FKBP15: variants seen among roughly 807,000 people sequenced by gnomAD.
FKBP15 encodes the protein FKBP prolyl isomerase family member 15, also known as FK506-binding protein 15.
Under a neutral mutation model 158.1 loss-of-function variants are expected in FKBP15, and 106 were observed. That is an observed-to-expected ratio of 0.67 (90% CI 0.57 to 0.79). The LOEUF (loss-of-function observed/expected upper bound fraction) is 0.79. Ranked by LOEUF, FKBP15 falls within the 30% of genes least tolerant of loss-of-function variation. The pLI is 0.00. For missense variants in FKBP15, 1,287 were observed against 1,479.1 expected (o/e 0.87, Z 2.13); for synonymous variants, 547 against 548.6 (o/e 1.00, Z 0.04).
chr9:113,215,896 C>T (rs1258179076), intron 1 of FKBP15, among the ~76,000 whole-genome samples: 20 of 150,806 alleles, frequency 1.3e-4, no homozygotes, highest in African/African-American at 4.9e-4. Context: ...AGTGATCCAC[C>T]CGCCTCAGCC....
chr9:113,211,752 TA>T (rs58018622), intron 1 of FKBP15, among the ~76,000 whole-genome samples, 160 bp from the exon 2 acceptor site: 51 of 149,560 alleles, frequency 3.4e-4, no homozygotes, highest in African/African-American at 6.9e-4. Context: ...ATTTAAAAAT[TA>T]AAAAAAAAAA....
intron 6 of FKBP15, 101 bp downstream of exon 6, chr9:113,202,430 C>A (rs1830809717): frequency 2.8e-5 from 24 of 859,386 alleles, no homozygotes; most frequent in Non-Finnish European, 3.9e-5. Context: ...TAGTCACTAA[C>A]AAAACACAGC....
chr9:113,210,862 C>T lies in FKBP15; in HGVS notation c.169+615G>A, dbSNP rs1311159338. Among the ~76,000 whole-genome samples the T allele has an allele frequency of 2.0e-5, 3 of 152,218 alleles. No individual in the cohort carries two copies. The South Asian group carries it at 6.2e-4, about 32-fold the overall frequency. ...GCGCTGGATGCTTTCTGCCGTCGAACATCAGACTCCAAGTTCTTTGGCTTT... is the reference window on the plus strand; with the variant it reads ...GCGCTGGATGCTTTCTGCCGTCGAATATCAGACTCCAAGTTCTTTGGCTTT... On this transcript the variant is annotated intron_variant, in intron 2 of 27. Coordinates refer to ENST00000238256, the MANE Select transcript of FKBP15 (RefSeq NM_015258.2).
intron 3 of FKBP15, 48 bp from the exon 4 acceptor site, chr9:113,206,626 G>A: frequency 6.9e-7 from 1 of 1,447,522 alleles, no homozygotes; most frequent in Non-Finnish European, 9.6e-7. Flanking sequence ...CCTAAATTCT[G>A]CAGAACCAGC....
intron 19 of FKBP15, 115 bp from the exon 20 acceptor site, chr9:113,178,916 G>T: frequency 9.6e-7 from 1 of 1,044,758 alleles, no homozygotes; most frequent in Non-Finnish European, 1.3e-6. Flanking sequence ...AGTTATGGCT[G>T]CCTTCAACCT....
chr9:113,171,781 A>G, intron 23 of FKBP15, 75 bp from the exon 24 acceptor site: 1 of 1,232,958 alleles, frequency 8.1e-7, no homozygotes, highest in Non-Finnish European at 1.0e-6. Flanking sequence ...GAGGAGAACC[A>G]CCCAAACATC....
chr9:113,202,673 T>C (rs1830816255), intron 5 of FKBP15, 44 bp from the exon 6 acceptor site: 3 of 1,455,608 alleles, frequency 2.1e-6, no homozygotes, highest in Non-Finnish European at 2.8e-6. Flanking sequence ...AGCAGTATTA[T>C]ACCAGATAAA....
chr9:113,170,682 T>C (rs1305964081), intron 24 of FKBP15, 53 bp from the exon 25 acceptor site: 15 of 1,393,666 alleles, frequency 1.1e-5, no homozygotes, highest in South Asian at 1.0e-4. Context: ...AAAGGATGCA[T>C]TAAATTCCAG....
rs374047551 is a variant in FKBP15 at position 113,187,748 on chromosome 9, C to T, written c.1383+45G>A. Reference sequence around the variant, plus strand: ...AAGAAGAAAAGAGACTGACTAGAACCACAGCAAATTATAGGATATAATTAA... The same window carrying T: ...AAGAAGAAAAGAGACTGACTAGAACTACAGCAAATTATAGGATATAATTAA... On this transcript the variant is annotated intron_variant, in intron 14 of 27. Transcript: ENST00000238256. The T allele has an allele frequency of 7.1e-4, 1,035 of 1,455,852 alleles. 9 individuals are homozygous for T. The South Asian group carries it at 8.7e-3, about 12-fold the overall frequency. The allele number at this position is 1,455,852 out of a possible 1,614,324, so 90.2% of individuals were successfully genotyped here.
chr9:113,189,354 C>A (rs1830536334), intron 12 of FKBP15, among the ~76,000 whole-genome samples: 1 of 152,068 alleles, frequency 6.6e-6, no homozygotes, highest in Admixed American at 6.6e-5. Context: ...TTACTTAAAT[C>A]ATTTATGTTA....
chr9:113,193,359 G>C (rs1426500036), intron 11 of FKBP15, 133 bp downstream of exon 11: 1 of 521,020 alleles, frequency 1.9e-6, no homozygotes, highest in African/African-American at 2.0e-5. Context: ...TTTTAAAGGA[G>C]AGACGAGGTC....
Position 113,169,771 on chromosome 9 carries a change from G to A in FKBP15, c.2938C>T (p.Pro980Ser), listed in dbSNP as rs1210438725. The stretch of plus-strand genomic sequence containing the variant: ...ACCACCTGCTCTGAGGGCACCATGG[G>A]GGACTCTGGCCTCTCCCTATTCAGG... ...APLNRERPES[P>S]MVPSEQVVEE... The change falls in exon 26 of 28, where the codon CCC becomes TCC. Residue 980 changes from proline to serine, a missense_variant. Physicochemically the swap from Pro to Ser is moderately conservative, Grantham distance 74. Transcript: ENST00000238256. 2 of 1,603,724 alleles carry A rather than the reference G, an allele frequency of 1.2e-6. No homozygotes were observed. The highest frequency in any genetic ancestry group is 2.2e-5 in the East Asian group (1 of 44,592).
In FKBP15 at chr9:113,202,561, C is replaced by A; in HGVS notation, c.468G>T (p.Ser156=). 1 of 1,583,976 alleles carries A rather than the reference C, an allele frequency of 6.3e-7. No homozygotes were observed. The highest frequency in any genetic ancestry group is 8.6e-7 in the Non-Finnish European group (1 of 1,163,838). Residue 156 remains serine, a synonymous_variant, in exon 6 of 28, where the codon TCG becomes TCT. Transcript: ENST00000238256. The stretch of plus-strand genomic sequence containing the variant: ...TATTGAACTCCACAGCAGCCTTTTC[C>A]GACTCAAACATGATGGACCAGTTCT... The part of the protein sequence containing the change: ...QRQNWSIMFE[S]EKAAVEFNKQ...
chr9:113,174,648 G>T, intron 21 of FKBP15, 65 bp from the exon 22 acceptor site: 1 of 1,501,812 alleles, frequency 6.7e-7, no homozygotes, highest in South Asian at 1.3e-5. Context: ...GGATGATGGC[G>T]GTGGCAGTTA....
At chr9:113,182,107 A>C (rs1830409094) in intron 19 of FKBP15, among the ~76,000 whole-genome samples, 1 of 152,192 alleles carries the variant, frequency 6.6e-6, no homozygotes, top group Non-Finnish European at 1.5e-5. Flanking sequence ...GTTCAATCTA[A>C]CTTTTCATGT....
Position 113,203,016 on chromosome 9 carries a change from A to G in FKBP15, c.344T>C (p.Ile115Thr). The G allele has an allele frequency of 1.2e-6, 2 of 1,612,236 alleles. No homozygotes were observed. Among genetic ancestry groups the G allele is most frequent in the Non-Finnish European group, 1.7e-6 (2 of 1,178,984 alleles). ...AACCGTAACTGGCTGTTGTTGACTG[A>G]TATAAAGAAGAATCCTATACTGTAG... Reference protein sequence around the residue: ...TAREYRILLYISQQQPVTVAR... With the variant: ...TAREYRILLYTSQQQPVTVAR... Residue 115 changes from isoleucine to threonine, a missense_variant, in exon 5 of 28, where the codon ATC (isoleucine) becomes ACC (threonine). By Grantham distance (89) the Ile-to-Thr change is moderately conservative. Transcript: ENST00000238256.
At chr9:113,171,794 GTC>G in intron 23 of FKBP15, 88 bp from the exon 24 acceptor site, 1 of 1,091,452 alleles carries the variant, frequency 9.2e-7, no homozygotes, top group Non-Finnish European at 1.2e-6. Flanking sequence ...CAAACATCAA[GTC>G]TCTTTTTTTT....
Position 113,206,508 on chromosome 9 carries a change from CCT to C in FKBP15, c.323_324del (p.Glu108ValfsTer2). On this transcript the variant is annotated frameshift_variant and splice_region_variant, in exon 4 of 28. Transcript: ENST00000238256. LOFTEE classifies it high-confidence loss of function. Reference protein sequence around the residue: ...AAVLGNHTAREYRILLYISQQ... With the variant: ...AAVLGNHTARXYRILLYISQQ... ...TACATGAGATGTGGGAGCACTCTCA[CCT>C]CTCTGGCTGTGTGGTTCCCCAGAAC... is the stretch of plus-strand genomic sequence containing the variant. The C allele has an allele frequency of 6.2e-7, 1 of 1,613,574 alleles. No individual in the cohort carries two copies.
At chr9:113,208,699 G>A (rs1246018451) in intron 2 of FKBP15, among the ~76,000 whole-genome samples, 2 of 151,948 alleles carry the variant, frequency 1.3e-5, no homozygotes, top group Non-Finnish European at 2.9e-5. Flanking sequence ...TTAAGGTTTG[G>A]TTACATCCTG....
Sources: gnomAD v4.1 joint callset for allele counts (sites outside exome capture counted in the v4.1 genomes callset) on GRCh38, gnomAD v4.1.1 for gene constraint, MANE v1.5 for transcripts, NCBI Gene and HGNC (gene_info 2026-07-23, HGNC 2026-07-21) for gene names.